STK32A: variants seen among roughly 807,000 people sequenced by gnomAD.
The protein encoded by STK32A is serine/threonine-protein kinase 32A.
Under a neutral mutation model 53.2 loss-of-function variants are expected in STK32A, and 41 were observed. The ratio of observed to expected loss-of-function variants is 0.77; its 90% CI spans 0.60 to 1.00. STK32A has a LOEUF of 1.00. Ranked by LOEUF, STK32A falls within the 50% of genes least tolerant of loss-of-function variation. STK32A has a pLI of 0.00. For synonymous variants in STK32A, 166 were observed against 162.8 expected (o/e 1.02, Z -0.15); for missense variants, 458 against 485.8 (o/e 0.94, Z 0.54).
intron 4 of STK32A, among the ~76,000 whole-genome samples, chr5:147,291,472 C>G (rs1022554394): frequency 1.3e-5 from 2 of 151,588 alleles, no homozygotes; most frequent in Non-Finnish European, 2.9e-5. Context: ...CTTCAGAATA[C>G]CATGCAGTTA....
At chr5:147,351,801 C>T (rs1459813740) in intron 7 of STK32A, among the ~76,000 whole-genome samples, 1 of 152,046 alleles carries the variant, frequency 6.6e-6, no homozygotes, top group Non-Finnish European at 1.5e-5. Context: ...GAGTCGAGAT[C>T]GCGCCATTGC....
intron 2 of STK32A, among the ~76,000 whole-genome samples, chr5:147,241,781 T>C (rs549501508): frequency 6.6e-6 from 1 of 152,334 alleles, no homozygotes; most frequent in Non-Finnish European, 1.5e-5. Flanking sequence ...TTTCATTTAG[T>C]TGGTTTCCTC....
the STK32A span, chr5:147,401,388 T>C: frequency 1.2e-6 from 1 of 862,054 alleles, no homozygotes; most frequent in Non-Finnish European, 1.7e-6. Context: ...GCCTGCTTTC[T>C]ACGCTCAAGA....
At chr5:147,325,462 T>C (rs939250449) in intron 5 of STK32A, among the ~76,000 whole-genome samples, 1 of 152,168 alleles carries the variant, frequency 6.6e-6, no homozygotes, top group East Asian at 1.9e-4. Context: ...CTATAATTTA[T>C]CTTGATGAGT....
intron 1 of STK32A, among the ~76,000 whole-genome samples, chr5:147,236,236 A>G (rs534918113): frequency 6.6e-6 from 1 of 152,144 alleles, no homozygotes; most frequent in Non-Finnish European, 1.5e-5. Context: ...CCAGTTAATA[A>G]TCTGATAATC....
Position 147,373,231 on chromosome 5 carries a change from T to C in STK32A, c.840T>C (p.Tyr280=), listed in dbSNP as rs759947510. 2 of 1,613,418 alleles carry C rather than the reference T, an allele frequency of 1.2e-6. No homozygotes were observed. The highest frequency in any genetic ancestry group is 1.7e-5 in the Admixed American group (1 of 59,962). The part of the protein sequence containing the change: ...SQLSDVQNFP[Y]MNDINWDAVF... ...TATCTGATGTCCAGAACTTCCCGTA[T>C]ATGAATGATATAAACTGGGATGCAG... Residue 280 remains tyrosine, a synonymous_variant, in exon 10 of 13, where the codon TAT becomes TAC. Transcript: ENST00000397936.
chr5:147,384,994 C>A lies in STK32A; in HGVS notation c.*1011C>A, dbSNP rs1581162066. ...GGGAAGTATCTTTTCTCAGTAAAGC[C>A]CAATACAGTGTCACCTTTCACTAAT... On this transcript the variant is annotated 3_prime_UTR_variant, in exon 13 of 13. Transcript: ENST00000397936. 6.6e-6 allele frequency: 1 copy of A among 152,164 alleles called. No individual in the cohort carries two copies. 9.4% of individuals were successfully genotyped at this position (152,164 alleles called of 1,614,324 possible).
intron 4 of STK32A, among the ~76,000 whole-genome samples, chr5:147,304,012 C>T (rs577399492): frequency 6.6e-6 from 1 of 152,264 alleles, no homozygotes; most frequent in South Asian, 2.1e-4. Flanking sequence ...AATTTAAGCT[C>T]AAAAGAAACT....
downstream of STK32A, chr5:147,392,264 C>T (rs990678010): frequency 6.6e-6 from 1 of 152,206 alleles, no homozygotes; most frequent in South Asian, 2.1e-4. Flanking sequence ...AGCAAGCTTC[C>T]CTATTCTAAG....
At chr5:147,372,609 A>G (rs1445148229) in intron 9 of STK32A, among the ~76,000 whole-genome samples, 3 of 152,008 alleles carry the variant, frequency 2.0e-5, no homozygotes, top group Non-Finnish European at 4.4e-5. Flanking sequence ...TGGCTCAGGA[A>G]TGGTTAAGGG....
chr5:147,360,297 A>C (rs1248991857), intron 7 of STK32A, among the ~76,000 whole-genome samples: 1 of 151,828 alleles, frequency 6.6e-6, no homozygotes, highest in African/African-American at 2.4e-5. Context: ...AAAAAGCACA[A>C]AAATTTTACC....
chr5:147,278,230 G>A, intron 3 of STK32A, 51 bp downstream of exon 3: 1 of 1,447,526 alleles, frequency 6.9e-7, no homozygotes, highest in Non-Finnish European at 9.6e-7. Flanking sequence ...GTAGCCCAGG[G>A]AACAGAGGGT....
At chr5:147,354,388 G>A (rs537580649) in intron 7 of STK32A, among the ~76,000 whole-genome samples, 21 of 152,100 alleles carry the variant, frequency 1.4e-4, no homozygotes, top group Non-Finnish European at 2.6e-4. Flanking sequence ...AGAGAAGTAC[G>A]GGGAGGCCAC....
At chr5:147,318,327 A>G (rs1754117766) in intron 4 of STK32A, among the ~76,000 whole-genome samples, 1 of 152,236 alleles carries the variant, frequency 6.6e-6, no homozygotes, top group South Asian at 2.1e-4. Flanking sequence ...TATAATCTGT[A>G]GCACGAATTT....
chr5:147,281,609 T>C (rs1388617837), intron 4 of STK32A, among the ~76,000 whole-genome samples: 1 of 151,610 alleles, frequency 6.6e-6, no homozygotes, highest in Non-Finnish European at 1.5e-5. Flanking sequence ...TCTGATATTA[T>C]GTTAAATGAC....
chr5:147,397,716 A>T, the STK32A span: 1 of 1,614,060 alleles, frequency 6.2e-7, no homozygotes, highest in African/African-American at 1.3e-5. Context: ...AACGGGCTGC[A>T]GGGTATGAAG....
At chr5:147,266,310 T>C (rs899066927) in intron 2 of STK32A, among the ~76,000 whole-genome samples, 1 of 152,194 alleles carries the variant, frequency 6.6e-6, no homozygotes, top group African/African-American at 2.4e-5. Flanking sequence ...GCTTTTAAGA[T>C]GTAAATCCAA....
downstream of STK32A, among the ~76,000 whole-genome samples, chr5:147,390,594 TACTC>T (rs1443866552): frequency 1.3e-5 from 2 of 151,900 alleles, no homozygotes; most frequent in Non-Finnish European, 2.9e-5. Context: ...GAAAAAAACT[TACTC>T]ATTCTCCAAA....
chr5:147,393,886 G>GTT, the STK32A span: 1 of 780,584 alleles, frequency 1.3e-6, no homozygotes, highest in Non-Finnish European at 2.1e-6. Flanking sequence ...GCAAGCGAGC[G>GTT]TAACATTGGA....
Sources: allele counts gnomAD v4.1 joint callset (sites outside exome capture counted in the v4.1 genomes callset), GRCh38; gene constraint gnomAD v4.1.1; transcripts MANE v1.5; gene names NCBI Gene and HGNC (gene_info 2026-07-23, HGNC 2026-07-21).